The following SH2D4B variants were observed in gnomAD, a reference collection of about 807,000 sequenced individuals.
SH2D4B encodes SH2 domain containing 4B, also known as SH2 domain-containing protein 4B.
Under a neutral mutation model 61.5 loss-of-function variants are expected in SH2D4B, and 45 were observed. That is an observed-to-expected ratio of 0.73 (90% CI 0.58 to 0.94). SH2D4B has a LOEUF of 0.94. Among genes scored for constraint, SH2D4B ranks in the 40% least tolerant of loss-of-function variants. The probability of loss-of-function intolerance (pLI) is 0.00; values close to 1 mark genes in which losing one functional copy is unlikely to be tolerated. For synonymous variants in SH2D4B, 224 were observed against 220.4 expected (o/e 1.02, Z -0.14); for missense variants, 572 against 574.2 (o/e 1.00, Z 0.04).
At chr10:80,640,940 G>A (rs973039123) in intron 7 of SH2D4B, among the ~76,000 whole-genome samples, 1 of 152,108 alleles carries the variant, frequency 6.6e-6, no homozygotes, top group Non-Finnish European at 1.5e-5. Flanking sequence ...ATCTACCTTT[G>A]GTTGCAATAT....
chr10:80,619,118 A>T (rs1842689161), intron 6 of SH2D4B, among the ~76,000 whole-genome samples: 1 of 152,192 alleles, frequency 6.6e-6, no homozygotes, highest in Admixed American at 6.5e-5. Context: ...GTCAGGAAGG[A>T]TGCACCGGGA....
At chr10:80,593,313 G>T (rs1842352806) in intron 4 of SH2D4B, among the ~76,000 whole-genome samples, 1 of 152,130 alleles carries the variant, frequency 6.6e-6, no homozygotes, top group Admixed American at 6.5e-5. Context: ...ACAATATTTA[G>T]TCTTCCAATT....
rs937833589 is a variant in SH2D4B, at chr10:80,571,329, T to C, written c.348-102T>C. ...TGTCTTTGCCAACACCGAATTCTGA[T>C]AGACCAAGGAAAAATTGCTCATTGT... On this transcript the variant is annotated intron_variant, in intron 2 of 7. Transcript: ENST00000646907. The C allele has an allele frequency of 4.3e-6, 6 of 1,384,344 alleles. No homozygotes were observed. The South Asian group carries it at 5.7e-5, about 13-fold the overall frequency. 85.8% of individuals were successfully genotyped at this position (1,384,344 alleles called of 1,614,324 possible). A position where few individuals can be genotyped will look rare whatever the true frequency, so the allele number is the denominator to read the frequency against.
rs370209663 is a variant in SH2D4B, at chr10:80,581,047, A to G, written c.496-7583A>G. 1.2e-4 allele frequency among the ~76,000 whole-genome samples: 18 copies of G among 152,356 alleles called. No homozygotes were observed. In the East Asian group the frequency reaches 2.9e-3, roughly 24 times the overall value. On this transcript the variant is annotated intron_variant, in intron 3 of 7. Transcript: ENST00000646907. The stretch of plus-strand genomic sequence containing the variant: ...ATTTTAGCAAGACCATGTGTAATGC[A>G]ACAGTAGTTGCAAAATGTTTTCCTT...
intron 1 of SH2D4B, among the ~76,000 whole-genome samples, chr10:80,556,819 T>C (rs1841843718): frequency 6.6e-6 from 1 of 152,220 alleles, no homozygotes; most frequent in Admixed American, 6.5e-5. Flanking sequence ...TGAGATTTTA[T>C]AGGTAAATGA....
At chr10:80,546,392 T>C (rs1316893815) in intron 1 of SH2D4B, among the ~76,000 whole-genome samples, 1 of 152,124 alleles carries the variant, frequency 6.6e-6, no homozygotes, top group African/African-American at 2.4e-5. Context: ...AACTTGGGTT[T>C]TAGCCTGACC....
At chr10:80,577,724 C>A (rs61861592) in intron 3 of SH2D4B, among the ~76,000 whole-genome samples, 3 of 151,236 alleles carry the variant, frequency 2.0e-5, no homozygotes, top group Non-Finnish European at 4.4e-5. Flanking sequence ...CAGCGCCCGG[C>A]CTTTTTTTTT....
intron 2 of SH2D4B, among the ~76,000 whole-genome samples, chr10:80,570,914 T>C (rs1842034068): frequency 6.6e-6 from 1 of 152,172 alleles, no homozygotes; most frequent in South Asian, 2.1e-4. Context: ...TCACTCTGTT[T>C]CCCAGGCTGG....
intron 6 of SH2D4B, among the ~76,000 whole-genome samples, chr10:80,628,572 A>G (rs12782241): frequency 0.17 from 25,805 of 152,160 alleles, 2,687 homozygotes; most frequent in Admixed American, 0.28. Flanking sequence ...GAAAACATAG[A>G]TTCTCCTTGC....
chr10:80,538,146 G>A lies in SH2D4B; in HGVS notation c.-186G>A. Reference sequence around the variant, plus strand: ...GTTGCCTGGCCTCTTTTGCTGTCCTGGGTAGAGGAGATGAGTTCGTCGCTG... The same window carrying A: ...GTTGCCTGGCCTCTTTTGCTGTCCTAGGTAGAGGAGATGAGTTCGTCGCTG... On this transcript the variant is annotated 5_prime_UTR_variant, in exon 1 of 8. Coordinates refer to ENST00000646907, the MANE Select transcript of SH2D4B (RefSeq NM_001388272.1). This position sits in a 1 kb window ranked among gnomAD's most constrained non-coding sequence, Gnocchi z 4.8. 2.4e-6 allele frequency: 1 copy of A among 408,604 alleles called. No homozygotes were observed. The highest frequency in any genetic ancestry group is 4.1e-6 in the Non-Finnish European group (1 of 242,378). 25.3% of individuals were successfully genotyped at this position (408,604 alleles called of 1,614,324 possible). A position where few individuals can be genotyped will look rare whatever the true frequency, so the allele number is the denominator to read the frequency against.
intron 1 of SH2D4B, among the ~76,000 whole-genome samples, chr10:80,546,735 G>T (rs965635059): frequency 6.6e-6 from 1 of 151,158 alleles, no homozygotes; most frequent in Non-Finnish European, 1.5e-5. Context: ...CACCATGTTA[G>T]TCAGGATGGT....
chr10:80,540,834 T>C, intron 1 of SH2D4B: 1 of 1,550,868 alleles, frequency 6.4e-7, no homozygotes, highest in South Asian at 1.2e-5. Flanking sequence ...AGCCGTGCCG[T>C]GTCCCAGGGC....
At chr10:80,549,739 A>G (rs1282732104) in intron 1 of SH2D4B, among the ~76,000 whole-genome samples, 1 of 152,212 alleles carries the variant, frequency 6.6e-6, no homozygotes, top group African/African-American at 2.4e-5. Context: ...CTCCACTTGC[A>G]AAGGCCACCA....
chr10:80,592,110 G>A (rs937677748), intron 4 of SH2D4B, among the ~76,000 whole-genome samples: 21 of 152,102 alleles, frequency 1.4e-4, no homozygotes, highest in Admixed American at 6.5e-4. Context: ...ACATCTCATC[G>A]TGGTTTTGAT....
chr10:80,572,203 A>G (rs1842056534), intron 3 of SH2D4B, among the ~76,000 whole-genome samples: 1 of 152,076 alleles, frequency 6.6e-6, no homozygotes, highest in East Asian at 1.9e-4. Flanking sequence ...ATCCCAAACC[A>G]CCAGTCCAGA....
intron 1 of SH2D4B, among the ~76,000 whole-genome samples, chr10:80,547,410 A>T (rs540799789): frequency 3.0e-4 from 46 of 152,226 alleles, no homozygotes; most frequent in African/African-American, 1.1e-3. Context: ...TTTTTGGTTG[A>T]TTCCCTTGGA....
intron 3 of SH2D4B, among the ~76,000 whole-genome samples, chr10:80,587,146 G>GTT (rs1564775919): frequency 1.2e-5 from 1 of 86,170 alleles, no homozygotes; most frequent in South Asian, 3.5e-4. Context: ...TTTTTTTTTT[G>GTT]TTTTGTTTTT....
intron 3 of SH2D4B, among the ~76,000 whole-genome samples, chr10:80,582,994 C>T (rs557055165): frequency 6.6e-6 from 1 of 152,320 alleles, no homozygotes; most frequent in South Asian, 2.1e-4. Context: ...GTCCTCCTCT[C>T]AATGAAGCCT....
intron 7 of SH2D4B, among the ~76,000 whole-genome samples, chr10:80,637,819 T>C (rs1840211711): frequency 6.6e-6 from 1 of 152,216 alleles, no homozygotes; most frequent in Non-Finnish European, 1.5e-5. Flanking sequence ...CTTCCAACAC[T>C]ATATTGAATT....
Sources: gnomAD v4.1 joint callset for allele counts (sites outside exome capture counted in the v4.1 genomes callset) on GRCh38, gnomAD v4.1.1 for gene constraint, Gnocchi (gnomAD v3.1) non-coding constraint, MANE v1.5 for transcripts, NCBI Gene and HGNC (gene_info 2026-07-23, HGNC 2026-07-21) for gene names.